Variants in TENM2 observed in about 807,000 individuals in gnomAD.
TENM2 encodes the protein teneurin transmembrane protein 2.
In TENM2, 52 loss-of-function variants were observed where a neutral mutation model predicts 245.2. The observed-to-expected ratio is 0.21, with a 90% CI of 0.17 to 0.27. The LOEUF (loss-of-function observed/expected upper bound fraction) is 0.27. TENM2 is among the 10% of genes least tolerant of loss of function. The pLI is 1.00. For synonymous variants in TENM2, 1,363 were observed against 1,438.9 expected (o/e 0.95, Z 1.19); for missense variants, 3,046 against 3,666.8 (o/e 0.83, Z 4.37).
chr5:167,427,775 G>A (rs13185808), intron 2 of TENM2, among the ~76,000 whole-genome samples: 1,362 of 46,480 alleles, frequency 0.029, no homozygotes, highest in African/African-American at 0.042. Context: ...GGAAGGACGG[G>A]AAGGAAGGGA....
At chr5:167,876,725 A>G (rs952567713) in intron 3 of TENM2, among the ~76,000 whole-genome samples, 4 of 152,086 alleles carry the variant, frequency 2.6e-5, no homozygotes, top group Non-Finnish European at 5.9e-5. Context: ...CCAAGTCTGA[A>G]GTGTTTGGGG....
intron 13 of TENM2, 138 bp downstream of exon 15, chr5:168,162,895 C>A (rs1757877943): frequency 2.9e-6 from 3 of 1,047,344 alleles, no homozygotes; most frequent in South Asian, 1.6e-5. Flanking sequence ...GAAGCAAATG[C>A]AGCAGAGAAC....
At chr5:167,473,577 G>A (rs1767172327) in intron 2 of TENM2, among the ~76,000 whole-genome samples, 5 of 152,016 alleles carry the variant, frequency 3.3e-5, no homozygotes, top group Admixed American at 3.3e-4. Context: ...GTGGCTTATA[G>A]TTTTCGATCT....
chr5:167,290,460 A>G (rs1754567668), intron 1 of TENM2, among the ~76,000 whole-genome samples: 2 of 152,220 alleles, frequency 1.3e-5, no homozygotes, highest in African/African-American at 2.4e-5. Flanking sequence ...TAACCCTACT[A>G]CCAGCAGAAG....
chr5:167,736,686 GA>G (rs57992345), intron 2 of TENM2, among the ~76,000 whole-genome samples: 4,326 of 127,486 alleles, frequency 0.034, 177 homozygotes, highest in African/African-American at 0.1. Context: ...CCTGGCTCAG[GA>G]AAAAAAAAAA....
intron 5 of TENM2, among the ~76,000 whole-genome samples, chr5:168,023,009 G>T (rs1416641964): frequency 6.6e-6 from 1 of 152,210 alleles, no homozygotes; most frequent in East Asian, 1.9e-4. Flanking sequence ...AGCAATGGAA[G>T]AAGTTTGCTT....
the TENM2 span, among the ~76,000 whole-genome samples, chr5:166,983,392 A>C: frequency 3.9e-5 from 6 of 152,064 alleles, no homozygotes; most frequent in African/African-American, 1.2e-4. Context: ...TCACTGGCCC[A>C]CCTCTCCTAA....
chr5:167,222,152 A>G, the TENM2 span, among the ~76,000 whole-genome samples: 1 of 152,178 alleles, frequency 6.6e-6, no homozygotes, highest in African/African-American at 2.4e-5. Context: ...TCAGCATCTC[A>G]AAGCACGTGC....
intron 12 of TENM2, among the ~76,000 whole-genome samples, chr5:168,137,490 C>T (rs1284089039): frequency 6.6e-6 from 1 of 152,230 alleles, no homozygotes; most frequent in Non-Finnish European, 1.5e-5. Context: ...TTTATTCCAA[C>T]AAGTTAGCCA....
At chr5:167,184,320 T>C in the TENM2 span, among the ~76,000 whole-genome samples, 2 of 152,362 alleles carry the variant, frequency 1.3e-5, no homozygotes, top group East Asian at 3.9e-4. Flanking sequence ...GCATTTTTCT[T>C]GTGACTGAGG....
At chr5:167,270,298 C>T in the TENM2 span, among the ~76,000 whole-genome samples, 2 of 152,168 alleles carry the variant, frequency 1.3e-5, no homozygotes, top group African/African-American at 4.8e-5. Flanking sequence ...GAAGTAACCA[C>T]TACTGTTATT....
At chr5:167,158,379 T>G in the TENM2 span, among the ~76,000 whole-genome samples, 1 of 152,294 alleles carries the variant, frequency 6.6e-6, no homozygotes, top group Non-Finnish European at 1.5e-5. Flanking sequence ...TTTTATATCT[T>G]ATATGATCTC....
At chr5:167,366,404 A>C (rs2127283506) in intron 1 of TENM2, among the ~76,000 whole-genome samples, 1 of 152,282 alleles carries the variant, frequency 6.6e-6, no homozygotes, top group Non-Finnish European at 1.5e-5. Context: ...TAGACTGATG[A>C]TCATCATAAT....
chr5:167,840,686 G>C (rs1561841921), intron 2 of TENM2, among the ~76,000 whole-genome samples: 1 of 152,086 alleles, frequency 6.6e-6, no homozygotes, highest in Non-Finnish European at 1.5e-5. Flanking sequence ...ACATAATCAT[G>C]AGGAAGAAAA....
intron 2 of TENM2, among the ~76,000 whole-genome samples, chr5:167,826,043 C>T (rs1242429507): frequency 6.6e-6 from 1 of 152,016 alleles, no homozygotes; most frequent in African/African-American, 2.4e-5. Flanking sequence ...CTCTCCACCC[C>T]AAGCTGCTCC....
chr5:167,356,121 G>A (rs1467539091), intron 1 of TENM2, among the ~76,000 whole-genome samples: 3 of 138,866 alleles, frequency 2.2e-5, no homozygotes, highest in Non-Finnish European at 3.0e-5. Context: ...GACGGTGTTT[G>A]CAGTGAGCTG....
At chr5:167,436,744 C>T (rs1476886823) in intron 2 of TENM2, among the ~76,000 whole-genome samples, 1 of 152,134 alleles carries the variant, frequency 6.6e-6, no homozygotes, top group Admixed American at 6.5e-5. Context: ...GTCCCACCCA[C>T]TGCAGCCATG....
At chr5:167,153,518 GGAA>G in the TENM2 span, among the ~76,000 whole-genome samples, 1 of 152,066 alleles carries the variant, frequency 6.6e-6, no homozygotes, top group Non-Finnish European at 1.5e-5. Context: ...GGGAGGAGGT[GGAA>G]GGGGAGACAC....
the TENM2 span, among the ~76,000 whole-genome samples, chr5:167,082,168 T>A: frequency 6.6e-6 from 1 of 152,230 alleles, no homozygotes; most frequent in Admixed American, 6.5e-5. Flanking sequence ...TTATTACTAC[T>A]ATGATTACTA....
Sources: allele counts gnomAD v4.1 joint callset (sites outside exome capture counted in the v4.1 genomes callset), GRCh38; gene constraint gnomAD v4.1.1; transcripts MANE v1.5; gene names NCBI Gene and HGNC (gene_info 2026-07-23, HGNC 2026-07-21).